Variants in GPC5 observed in about 807,000 individuals in gnomAD.
GPC5 encodes the protein glypican 5.
Under a neutral mutation model 53.9 loss-of-function variants are expected in GPC5, and 47 were observed. The observed-to-expected ratio is 0.87, with a 90% CI of 0.69 to 1.11. The LOEUF is 1.11. Among genes scored for constraint, GPC5 ranks in the 50% most tolerant of loss-of-function variants. GPC5 has a pLI of 0.00. For missense variants in GPC5, 748 were observed against 713.1 expected, an observed-to-expected ratio of 1.05 and a Z score of -0.56; for synonymous variants, 286 against 263.3, an observed-to-expected ratio of 1.09 and a Z score of -0.84.
chr13:92,259,501 C>T (rs2042750260), intron 7 of GPC5, among the ~76,000 whole-genome samples: 1 of 152,150 alleles, frequency 6.6e-6, no homozygotes, highest in African/African-American at 2.4e-5. Flanking sequence ...AAAATTCCTT[C>T]AGTTGAGTCA....
At chr13:92,424,296 G>A (rs113460976) in intron 7 of GPC5, among the ~76,000 whole-genome samples, 1 of 151,784 alleles carries the variant, frequency 6.6e-6, no homozygotes, top group Non-Finnish European at 1.5e-5. Context: ...TTTTAAAATT[G>A]TTTTAATTAA....
intron 6 of GPC5, among the ~76,000 whole-genome samples, chr13:91,973,245 C>G (rs2040261963): frequency 6.6e-6 from 1 of 152,206 alleles, no homozygotes; most frequent in African/African-American, 2.4e-5. Flanking sequence ...ACCCTTTCTT[C>G]CAGTTGATCT....
In GPC5 at chr13:92,534,651, A is replaced by G. The variant is rs574339883; in HGVS notation, c.1562-331631A>G. On this transcript the variant is annotated intron_variant, in intron 7 of 7. Transcript: ENST00000377067. ...AAGTAGCTTTTACTGAGTATTTCAT[A>G]TATGGAAAAATATAAGATTGTGTGA... 5.9e-5 allele frequency among the ~76,000 whole-genome samples: 9 copies of G among 152,328 alleles called. No individual in the cohort carries two copies. In the East Asian group the frequency reaches 1.5e-3, roughly 26 times the overall value.
chr13:91,634,318 GT>G (rs1320790710), intron 2 of GPC5, among the ~76,000 whole-genome samples: 2 of 152,090 alleles, frequency 1.3e-5, no homozygotes, highest in African/African-American at 4.8e-5. Flanking sequence ...GGTCTTTGAA[GT>G]TGTCTATTCC....
At chr13:92,711,923 A>G (rs552582180) in intron 7 of GPC5, among the ~76,000 whole-genome samples, 1 of 152,134 alleles carries the variant, frequency 6.6e-6, no homozygotes, top group South Asian at 2.1e-4. Context: ...GCTTTAGTTG[A>G]AAGAGAAATT....
intron 7 of GPC5, among the ~76,000 whole-genome samples, chr13:92,573,833 A>C (rs568034223): frequency 6.6e-6 from 1 of 152,306 alleles, no homozygotes; most frequent in African/African-American, 2.4e-5. Context: ...CATCAGCAGC[A>C]TACCAATGTC....
At chr13:92,812,561 T>C (rs1414252899) in intron 7 of GPC5, among the ~76,000 whole-genome samples, 2 of 151,862 alleles carry the variant, frequency 1.3e-5, no homozygotes, top group South Asian at 4.1e-4. Flanking sequence ...CATTTATGAA[T>C]TTCCCACTTT....
rs1555302246 is a variant in GPC5 at position 91,398,705 on chromosome 13, A to AGCGGCAGCAGTTGCAGCAGTGGTGGCC, written c.-341_-315dup. 2 of 249,488 alleles carry AGCGGCAGCAGTTGCAGCAGTGGTGGCC rather than the reference A, an allele frequency of 8.0e-6. No individual in the cohort carries two copies. Among genetic ancestry groups the AGCGGCAGCAGTTGCAGCAGTGGTGGCC allele is most frequent in the African/African-American group, 4.5e-5 (2 of 44,282 alleles). 15.5% of individuals were successfully genotyped at this position (249,488 alleles called of 1,614,324 possible). On this transcript the variant is annotated 5_prime_UTR_variant, in exon 1 of 8. Transcript: ENST00000377067. ...TGGCGGCAGTGGCGGCAGTGGCGGC[A>AGCGGCAGCAGTTGCAGCAGTGGTGGCC]GCGGCAGCAGTTGCAGCAGTGGTGG... is the stretch of plus-strand genomic sequence containing the variant.
At chr13:92,598,776 G>GGAGGCT (rs1290149533) in intron 7 of GPC5, among the ~76,000 whole-genome samples, 13 of 152,086 alleles carry the variant, frequency 8.5e-5, no homozygotes, top group Admixed American at 8.5e-4. Context: ...CAGCACTTTG[G>GGAGGCT]GAGGCTGAGG....
At chr13:91,987,685 A>G (rs1230540757) in intron 6 of GPC5, among the ~76,000 whole-genome samples, 2 of 149,712 alleles carry the variant, frequency 1.3e-5, no homozygotes, top group Non-Finnish European at 3.0e-5. Context: ...CTTTTATGTG[A>G]CCAGTAGGAA....
intron 7 of GPC5, among the ~76,000 whole-genome samples, chr13:92,391,164 GTATT>G (rs1257844881): frequency 1.3e-5 from 2 of 151,968 alleles, no homozygotes; most frequent in African/African-American, 4.8e-5. Context: ...AATTATTTCA[GTATT>G]TATTAAACAG....
chr13:91,870,649 TA>T lies in GPC5; in HGVS notation c.1281-37287del, dbSNP rs150650000. On this transcript the variant is annotated intron_variant, in intron 5 of 7. Transcript: ENST00000377067. ...CTGGAGTCTTCACGCTATAGACGCA[TA>T]TTCTGGAGAACTATGTAATAAAAAT... Among the ~76,000 whole-genome samples the T allele has an allele frequency of 6.8e-3, 1,042 of 152,314 alleles. 8 individuals are homozygous for T. The highest frequency in any genetic ancestry group is 0.024 in the African/African-American group (994 of 41,564).
At chr13:91,681,477 C>T (rs114625789) in intron 2 of GPC5, among the ~76,000 whole-genome samples, 3,191 of 152,254 alleles carry the variant, frequency 0.021, 106 homozygotes, top group African/African-American at 0.069. Context: ...TTCCATCATT[C>T]CTAGTGGAAT....
At chr13:92,770,448 T>TG (rs1330703426) in intron 7 of GPC5, among the ~76,000 whole-genome samples, 2 of 148,056 alleles carry the variant, frequency 1.4e-5, no homozygotes, top group African/African-American at 5.0e-5. Flanking sequence ...ACCAAAAACA[T>TG]GCTTACAACC....
chr13:91,878,002 A>T (rs2138943910), intron 5 of GPC5, among the ~76,000 whole-genome samples: 1 of 152,216 alleles, frequency 6.6e-6, no homozygotes. Flanking sequence ...TTCTCTTGCC[A>T]TTGCCATGTG....
At chr13:92,446,171 C>T (rs1379191993) in intron 7 of GPC5, among the ~76,000 whole-genome samples, 1 of 151,650 alleles carries the variant, frequency 6.6e-6, no homozygotes, top group African/African-American at 2.4e-5. Context: ...CTATAAAATA[C>T]TAGATTTTAT....
chr13:91,508,388 G>A (rs1885060692), intron 2 of GPC5, among the ~76,000 whole-genome samples: 2 of 152,204 alleles, frequency 1.3e-5, no homozygotes, highest in African/African-American at 2.4e-5. Context: ...TAGACGAATA[G>A]TGGCAATTAT....
At chr13:91,962,999 A>C (rs939818101) in intron 6 of GPC5, among the ~76,000 whole-genome samples, 4 of 152,250 alleles carry the variant, frequency 2.6e-5, no homozygotes. Context: ...TCTGGGTGGA[A>C]GTATAGAATA....
intron 1 of GPC5, among the ~76,000 whole-genome samples, chr13:91,444,913 G>A (rs949100392): frequency 2.0e-5 from 3 of 152,134 alleles, no homozygotes; most frequent in Admixed American, 6.5e-5. Flanking sequence ...GTAGATCCCC[G>A]AAGCATCAGA....
Sources: allele counts gnomAD v4.1 joint callset (sites outside exome capture counted in the v4.1 genomes callset), GRCh38; gene constraint gnomAD v4.1.1; transcripts MANE v1.5; gene names NCBI Gene and HGNC (gene_info 2026-07-23, HGNC 2026-07-21).